Variants in TRIO observed in about 807,000 individuals in gnomAD.
TRIO encodes trio Rho guanine nucleotide exchange factor, also known as triple functional domain protein.
In TRIO, 58 loss-of-function variants were observed where a neutral mutation model predicts 351.9. That is an observed-to-expected ratio of 0.16 (90% CI 0.13 to 0.21). TRIO has a LOEUF of 0.21. Among genes scored for constraint, TRIO ranks in the 10% least tolerant of loss-of-function variants. The pLI, the probability that TRIO is intolerant of heterozygous loss-of-function variation, is 1.00. For missense variants in TRIO, 3,201 were observed against 4,027.8 expected (o/e 0.79, Z 5.56); for synonymous variants, 1,758 against 1,595.7 (o/e 1.10, Z -2.42).
At chr5:14,252,330 G>A (rs956558357) in intron 1 of TRIO, among the ~76,000 whole-genome samples, 1 of 152,168 alleles carries the variant, frequency 6.6e-6, no homozygotes, top group Non-Finnish European at 1.5e-5. Flanking sequence ...CACCATACTA[G>A]ACTTCCTGCC....
intron 9 of TRIO, among the ~76,000 whole-genome samples, chr5:14,318,571 G>A (rs1248074873): frequency 6.6e-6 from 1 of 152,064 alleles, no homozygotes; most frequent in Non-Finnish European, 1.5e-5. Context: ...AGTGCTTCAG[G>A]AATGATCATT....
At chr5:14,389,681 G>A (rs1314200943) in intron 25 of TRIO, among the ~76,000 whole-genome samples, 1 of 152,204 alleles carries the variant, frequency 6.6e-6, no homozygotes, top group Non-Finnish European at 1.5e-5. Flanking sequence ...GCCGTCAGGT[G>A]CCCTGTGACT....
chr5:14,191,520 A>C (rs1022414948), intron 1 of TRIO, among the ~76,000 whole-genome samples: 1 of 140,276 alleles, frequency 7.1e-6, no homozygotes. Context: ...TGACAGAGTA[A>C]GACCCTGTTT....
In TRIO at chr5:14,498,197, AG is replaced by A. The variant is rs1757024685; in HGVS notation, c.8159del (p.Gly2720AlafsTer7). The A allele has an allele frequency of 1.2e-6, 2 of 1,614,100 alleles. No homozygotes were observed. Among genetic ancestry groups the A allele is most frequent in the African/African-American group, 1.3e-5 (1 of 74,938 alleles). On this transcript the variant is annotated frameshift_variant, in exon 52 of 57. Coordinates refer to ENST00000344204, the MANE Select transcript of TRIO (RefSeq NM_007118.4). LOFTEE classifies it high-confidence loss of function. ...CGCCCCAAAGCCTCAATTACCTGGA[AG>A]GGCCCTGAACACAACACCTTGAACA... The part of the protein sequence containing the change: ...CGRPKASITW[K>X]GPEHNTLNND...
intron 1 of TRIO, among the ~76,000 whole-genome samples, chr5:14,155,517 T>C (rs1408653283): frequency 6.6e-6 from 1 of 152,180 alleles, no homozygotes; most frequent in African/African-American, 2.4e-5. Flanking sequence ...CCATGTTACA[T>C]TTAGTTTGTC....
intron 1 of TRIO, among the ~76,000 whole-genome samples, chr5:14,212,389 C>T (rs543401181): frequency 6.6e-6 from 1 of 152,158 alleles, no homozygotes; most frequent in Admixed American, 6.5e-5. Flanking sequence ...CCTCTGGAAC[C>T]TTCGGGGAAC....
Position 14,509,823 on chromosome 5 carries a change from C to G in TRIO, c.*1401C>G, listed in dbSNP as rs1013126455. Reference sequence around the variant, plus strand: ...GTTTTCTGGATGTCTTTTTATCTTTCTCGTGTGAACTGCACTACAAAAGAG... The same window carrying G: ...GTTTTCTGGATGTCTTTTTATCTTTGTCGTGTGAACTGCACTACAAAAGAG... On this transcript the variant is annotated 3_prime_UTR_variant, in exon 57 of 57. Transcript: ENST00000344204. The G allele has an allele frequency of 6.5e-5, 12 of 183,294 alleles. No individual in the cohort carries two copies. The highest frequency in any genetic ancestry group is 1.3e-4 in the Non-Finnish European group (11 of 87,808). 11.4% of individuals were successfully genotyped at this position (183,294 alleles called of 1,614,324 possible).
In TRIO at chr5:14,143,747, G is replaced by A; in HGVS notation, c.22G>A (p.Ala8Thr). 2.0e-6 allele frequency: 2 copies of A among 983,704 alleles called. No individual in the cohort carries two copies. The highest frequency in any genetic ancestry group is 1.8e-5 in the African/African-American group (1 of 56,578). The allele number at this position is 983,704 out of a possible 1,614,324, so 60.9% of individuals were successfully genotyped here. A position where few individuals can be genotyped will look rare whatever the true frequency, so the allele number is the denominator to read the frequency against. MSGSSGG[A>T]AAPAASSGPA... ...AGCCATGAGCGGCAGCAGCGGCGGA[G>A]CCGCCGCCCCCGCCGCGTCCTCCGG... Residue 8 changes from alanine to threonine, a missense_variant, in exon 1 of 57, where the codon GCC becomes ACC. Coordinates refer to ENST00000344204, the MANE Select transcript of TRIO (RefSeq NM_007118.4).
At chr5:14,390,346 G>A (rs374600019) in intron 26 of TRIO, 46 bp downstream of exon 26, 84 of 1,569,054 alleles carry the variant, frequency 5.4e-5, no homozygotes, top group South Asian at 1.1e-4. Flanking sequence ...ATTAGGTGAC[G>A]TTGAAGGAAG....
At chr5:14,338,941 A>T (rs1413312979) in intron 11 of TRIO, among the ~76,000 whole-genome samples, 1 of 152,196 alleles carries the variant, frequency 6.6e-6, no homozygotes, top group East Asian at 1.9e-4. Flanking sequence ...TAGCTTCCTT[A>T]TAGGACAGAA....
intron 13 of TRIO, 33 bp downstream of exon 13, chr5:14,359,564 G>T: frequency 7.5e-6 from 12 of 1,605,808 alleles, no homozygotes; most frequent in Non-Finnish European, 1.0e-5. Flanking sequence ...CTGCCTGCCT[G>T]TGGGAGCCCT....
chr5:14,275,928 A>T (rs923498893), intron 2 of TRIO, among the ~76,000 whole-genome samples: 2 of 148,082 alleles, frequency 1.4e-5, no homozygotes, highest in Non-Finnish European at 3.0e-5. Context: ...GTATGTTTAT[A>T]TATATGTGTG....
At chr5:14,461,795 T>C (rs1420152313) in intron 35 of TRIO, among the ~76,000 whole-genome samples, 1 of 152,218 alleles carries the variant, frequency 6.6e-6, no homozygotes, top group Admixed American at 6.5e-5. Flanking sequence ...CAATTGTTTT[T>C]CCCCAATATT....
chr5:14,318,594 A>T (rs1010092028), intron 9 of TRIO, among the ~76,000 whole-genome samples: 2 of 152,186 alleles, frequency 1.3e-5, no homozygotes, highest in East Asian at 3.8e-4. Flanking sequence ...GTTATTATTC[A>T]TGCTTCTTAA....
chr5:14,172,453 G>A (rs1295042880), intron 1 of TRIO, among the ~76,000 whole-genome samples: 1 of 152,214 alleles, frequency 6.6e-6, no homozygotes, highest in African/African-American at 2.4e-5. Context: ...TCACTTTCAA[G>A]TGGCAGTCAG....
intron 34 of TRIO, among the ~76,000 whole-genome samples, chr5:14,431,054 ACTTC>A (rs1751077000): frequency 1.3e-5 from 2 of 152,118 alleles, no homozygotes; most frequent in African/African-American, 4.8e-5. Flanking sequence ...CCCAAATCTA[ACTTC>A]CTTCCTTCCT....
intron 34 of TRIO, among the ~76,000 whole-genome samples, chr5:14,438,690 A>G (rs1262132357): frequency 6.6e-6 from 1 of 152,198 alleles, no homozygotes; most frequent in Non-Finnish European, 1.5e-5. Context: ...GTCAAAACTT[A>G]TTTCCAGGGA....
intron 8 of TRIO, among the ~76,000 whole-genome samples, chr5:14,305,143 T>C (rs1165008892): frequency 2.0e-5 from 3 of 152,238 alleles, no homozygotes; most frequent in Admixed American, 2.0e-4. Context: ...ACTGTATCTG[T>C]TCCTGCTGTT....
chr5:14,317,323 A>G (rs1739460864), intron 9 of TRIO, among the ~76,000 whole-genome samples: 1 of 152,204 alleles, frequency 6.6e-6, no homozygotes, highest in African/African-American at 2.4e-5. Context: ...TTAAGGATTA[A>G]AGCTATGGGA....
Sources: gnomAD v4.1 joint callset for allele counts (sites outside exome capture counted in the v4.1 genomes callset) on GRCh38, gnomAD v4.1.1 for gene constraint, MANE v1.5 for transcripts, NCBI Gene and HGNC (gene_info 2026-07-23, HGNC 2026-07-21) for gene names.